Variants in EXT1 observed in about 807,000 individuals in gnomAD.
EXT1 encodes exostosin glycosyltransferase 1.
In EXT1, 20 loss-of-function variants were observed where a neutral mutation model predicts 82.5. The observed-to-expected ratio is 0.24, with a 90% CI of 0.17 to 0.35. The LOEUF (loss-of-function observed/expected upper bound fraction) is 0.35. Ranked by LOEUF, EXT1 falls within the 10% of genes least tolerant of loss-of-function variation. The pLI, the probability that EXT1 is intolerant of heterozygous loss-of-function variation, is 1.00. For synonymous variants in EXT1, 348 were observed against 350.8 expected (o/e 0.99, Z 0.09); for missense variants, 757 against 936.5 (o/e 0.81, Z 2.50).
chr8:117,972,084 A>G (rs939249321), intron 1 of EXT1, among the ~76,000 whole-genome samples: 1 of 150,636 alleles, frequency 6.6e-6, no homozygotes, highest in Non-Finnish European at 1.5e-5. Context: ...TGGGAGGCTG[A>G]GGTTGCGGTG....
At chr8:117,909,921 C>T (rs1289939863) in intron 1 of EXT1, among the ~76,000 whole-genome samples, 3 of 152,156 alleles carry the variant, frequency 2.0e-5, no homozygotes, top group Non-Finnish European at 4.4e-5. Flanking sequence ...TTGTGCACTG[C>T]CATGCCCAGC....
chr8:117,846,992 A>G (rs151057812), intron 1 of EXT1, among the ~76,000 whole-genome samples: 216 of 152,010 alleles, frequency 1.4e-3, no homozygotes, highest in Middle Eastern at 6.8e-3. Flanking sequence ...TCTATTGCTC[A>G]CTCTGTATTA....
intron 1 of EXT1, among the ~76,000 whole-genome samples, chr8:118,104,021 T>G (rs1246833970): frequency 6.6e-6 from 1 of 152,210 alleles, no homozygotes; most frequent in Non-Finnish European, 1.5e-5. Context: ...ATGGTAACAT[T>G]TTGTAGAAGA....
Position 118,060,439 on chromosome 8 carries a change from T to A in EXT1, c.962+49646A>T, listed in dbSNP as rs1207265234. Among the ~76,000 whole-genome samples, 5 of 152,208 alleles carry A rather than the reference T, an allele frequency of 3.3e-5. No individual in the cohort carries two copies. The East Asian group carries it at 9.6e-4, about 29-fold the overall frequency. On this transcript the variant is annotated intron_variant, in intron 1 of 10. Transcript: ENST00000378204. ...GGTCTAGTCCCCTGGCCCCACTTTCTTGCATGACAACCATCTCAGTTACCA... is the reference window on the plus strand; with the variant it reads ...GGTCTAGTCCCCTGGCCCCACTTTCATGCATGACAACCATCTCAGTTACCA...
At chr8:118,084,849 A>T (rs1233515407) in intron 1 of EXT1, among the ~76,000 whole-genome samples, 2 of 152,196 alleles carry the variant, frequency 1.3e-5, no homozygotes, top group East Asian at 1.9e-4. Flanking sequence ...GGCCTAATGT[A>T]CTCAAAGAGC....
At chr8:118,096,616 GAAGGAGGAAGGAAGGA>G (rs1329033626) in intron 1 of EXT1, among the ~76,000 whole-genome samples, 119 of 48,974 alleles carry the variant, frequency 2.4e-3, no homozygotes, top group African/African-American at 5.5e-3. Context: ...AGGAAGGAAG[GAAGGAGGAAGGAAGGA>G]AGGAAGGAAG....
intron 1 of EXT1, among the ~76,000 whole-genome samples, chr8:118,039,921 G>C (rs1040382330): frequency 6.6e-6 from 1 of 152,140 alleles, no homozygotes; most frequent in African/African-American, 2.4e-5. Context: ...TAAGCATTTT[G>C]ACTTTGAATT....
intron 1 of EXT1, among the ~76,000 whole-genome samples, chr8:117,927,341 C>T (rs1014787780): frequency 6.9e-6 from 1 of 145,108 alleles, no homozygotes; most frequent in African/African-American, 2.6e-5. Flanking sequence ...GCATTTCATC[C>T]AATGGTCCAT....
intron 1 of EXT1, among the ~76,000 whole-genome samples, chr8:117,855,528 T>G (rs951579624): frequency 6.6e-6 from 1 of 152,214 alleles, no homozygotes; most frequent in East Asian, 1.9e-4. Context: ...GTTCTGACTA[T>G]GCTACCAACC....
intron 1 of EXT1, among the ~76,000 whole-genome samples, chr8:117,997,659 C>A (rs1349281707): frequency 2.0e-5 from 3 of 152,140 alleles, no homozygotes; most frequent in Non-Finnish European, 4.4e-5. Context: ...ACTGGCTAAA[C>A]CAAAAAATAC....
chr8:118,097,029 G>A (rs17477378), intron 1 of EXT1, among the ~76,000 whole-genome samples: 24 of 152,146 alleles, frequency 1.6e-4, no homozygotes, highest in Non-Finnish European at 1.6e-4. Context: ...ATAATGGTAC[G>A]AGAGCTCAAT....
chr8:118,046,038 C>T (rs1816617060), intron 1 of EXT1, among the ~76,000 whole-genome samples: 2 of 151,882 alleles, frequency 1.3e-5, no homozygotes, highest in Non-Finnish European at 2.9e-5. Flanking sequence ...TCAAGTGATC[C>T]GCCAGCCTCA....
intron 1 of EXT1, among the ~76,000 whole-genome samples, chr8:118,040,626 A>G (rs1315827158): frequency 6.6e-6 from 1 of 152,172 alleles, no homozygotes; most frequent in African/African-American, 2.4e-5. Context: ...TCCAAAGGTC[A>G]TCTCCTCCCT....
At chr8:117,908,169 C>T (rs1044789716) in intron 1 of EXT1, among the ~76,000 whole-genome samples, 5 of 152,160 alleles carry the variant, frequency 3.3e-5, no homozygotes, top group African/African-American at 9.7e-5. Flanking sequence ...TTTAAGCAAA[C>T]AAATGCTATC....
At chr8:117,839,489 C>T (rs1028199094) in intron 1 of EXT1, among the ~76,000 whole-genome samples, 14 of 152,060 alleles carry the variant, frequency 9.2e-5, no homozygotes, top group Non-Finnish European at 8.8e-5. Context: ...CATATGTATG[C>T]AGTGCATGTC....
At chr8:118,008,493 C>A (rs570248549) in intron 1 of EXT1, among the ~76,000 whole-genome samples, 4 of 152,160 alleles carry the variant, frequency 2.6e-5, no homozygotes, top group African/African-American at 7.2e-5. Flanking sequence ...ACTAGGTGAT[C>A]CACCCGCCTC....
At chr8:117,825,759 C>T (rs2129758253) in intron 4 of EXT1, among the ~76,000 whole-genome samples, 1 of 152,254 alleles carries the variant, frequency 6.6e-6, no homozygotes, top group South Asian at 2.1e-4. Flanking sequence ...ATTTCCATTA[C>T]CCCATTGATT....
intron 1 of EXT1, among the ~76,000 whole-genome samples, chr8:118,041,764 T>C (rs555724907): frequency 6.6e-6 from 1 of 151,608 alleles, no homozygotes; most frequent in Admixed American, 6.6e-5. Flanking sequence ...CTGGCCAACA[T>C]GGCGAAACCC....
At chr8:118,025,023 T>C (rs959968155) in intron 1 of EXT1, among the ~76,000 whole-genome samples, 6 of 152,218 alleles carry the variant, frequency 3.9e-5, no homozygotes, top group Admixed American at 6.5e-5. Flanking sequence ...GCATGAAGTA[T>C]ATCTAGAAAG....
Sources: gnomAD v4.1 joint callset for allele counts (sites outside exome capture counted in the v4.1 genomes callset) on GRCh38, gnomAD v4.1.1 for gene constraint, MANE v1.5 for transcripts, NCBI Gene and HGNC (gene_info 2026-07-23, HGNC 2026-07-21) for gene names.